The following SUMF1 variants were observed in gnomAD, a reference collection of about 807,000 sequenced individuals.
The protein encoded by SUMF1 is sulfatase modifying factor 1, also known as formylglycine-generating enzyme.
A neutral mutation model predicts 47.6 loss-of-function variants in SUMF1; 48 were observed. The ratio of observed to expected loss-of-function variants is 1.01; its 90% CI spans 0.80 to 1.28. SUMF1 has a LOEUF of 1.28. Among genes scored for constraint, SUMF1 ranks in the 50% most tolerant of loss-of-function variants. SUMF1 has a pLI of 0.00. For missense variants in SUMF1, 571 were observed against 485.4 expected, an observed-to-expected ratio of 1.18 and a Z score of -1.66; for synonymous variants, 230 against 192.1, an observed-to-expected ratio of 1.20 and a Z score of -1.63.
chr3:4,037,784 T>A (rs1428788457), intron 9 of SUMF1, among the ~76,000 whole-genome samples: 1 of 152,172 alleles, frequency 6.6e-6, no homozygotes, highest in African/African-American at 2.4e-5. Flanking sequence ...TCTACATGTG[T>A]GTGTTCCTTT....
intron 8 of SUMF1, among the ~76,000 whole-genome samples, chr3:4,115,823 T>TA (rs1009026525): frequency 6.6e-6 from 1 of 152,100 alleles, no homozygotes; most frequent in Non-Finnish European, 1.5e-5. Context: ...AAACGATATT[T>TA]AAAAAAACAT....
intron 1 of SUMF1, among the ~76,000 whole-genome samples, chr3:4,462,434 T>G (rs2079837769): frequency 6.6e-6 from 1 of 152,204 alleles, no homozygotes; most frequent in African/African-American, 2.4e-5. Context: ...AGATGCTGCC[T>G]GAGGCCCTGT....
At chr3:4,355,717 C>A (rs1470194909) in intron 8 of SUMF1, among the ~76,000 whole-genome samples, 1 of 152,148 alleles carries the variant, frequency 6.6e-6, no homozygotes, top group African/African-American at 2.4e-5. Context: ...GCAAAGAAAA[C>A]AAGGGGTTTG....
intron 1 of SUMF1, among the ~76,000 whole-genome samples, chr3:4,458,668 A>C (rs2079729907): frequency 6.6e-6 from 1 of 152,212 alleles, no homozygotes; most frequent in Non-Finnish European, 1.5e-5. Flanking sequence ...ATCCTGGCTA[A>C]CACGGTGAAA....
At chr3:4,056,802 T>A (rs1695199733) in intron 9 of SUMF1, among the ~76,000 whole-genome samples, 3 of 152,040 alleles carry the variant, frequency 2.0e-5, no homozygotes, top group African/African-American at 4.8e-5. Context: ...AGTGCAGTGG[T>A]GCAATCTCGG....
Position 4,467,104 on chromosome 3 carries a change from C to T in SUMF1, c.142G>A (p.Gly48Ser), listed in dbSNP as rs758168390. The T allele has an allele frequency of 6.4e-7, 1 of 1,562,276 alleles. No homozygotes were observed. Among genetic ancestry groups the T allele is most frequent in the Non-Finnish European group, 8.7e-7 (1 of 1,154,628 alleles). ...TGGGGCGTGCCGCAGCCGCAAGAAC[C>T]CGCAAGGGACCCCGCGCCCGCACCG... ...GTGAGAGSLA[G>S]SCGCGTPQRP... The change falls in exon 1 of 9, where the codon GGT (glycine) becomes AGT (serine). Residue 48 changes from glycine to serine, a missense_variant. Physicochemically the swap from Gly to Ser is moderately conservative, Grantham distance 56. Transcript: ENST00000272902.
chr3:4,131,347 C>G (rs1330209720), intron 8 of SUMF1, among the ~76,000 whole-genome samples: 1 of 152,116 alleles, frequency 6.6e-6, no homozygotes, highest in African/African-American at 2.4e-5. Context: ...CAGCCTGCAC[C>G]AATGGCCTCA....
At chr3:4,104,483 C>A (rs1443007097) in intron 8 of SUMF1, among the ~76,000 whole-genome samples, 1 of 152,060 alleles carries the variant, frequency 6.6e-6, no homozygotes, top group African/African-American at 2.4e-5. Context: ...GTGGAGCCTG[C>A]AGCAGTGCAT....
At chr3:4,293,405 A>G (rs1183235512) in intron 8 of SUMF1, among the ~76,000 whole-genome samples, 1 of 152,016 alleles carries the variant, frequency 6.6e-6, no homozygotes, top group Non-Finnish European at 1.5e-5. Flanking sequence ...CCTGAGTGGC[A>G]CAGGCATAGA....
At chr3:4,181,816 A>G (rs948585551) in intron 8 of SUMF1, among the ~76,000 whole-genome samples, 25 of 152,076 alleles carry the variant, frequency 1.6e-4, no homozygotes, top group African/African-American at 6.0e-4. Flanking sequence ...TGACGTATGT[A>G]TCACATGCAT....
intron 8 of SUMF1, among the ~76,000 whole-genome samples, chr3:4,247,978 G>T (rs893543474): frequency 1.2e-4 from 19 of 152,132 alleles, no homozygotes; most frequent in Admixed American, 1.1e-3. Flanking sequence ...CTTTGCAAAG[G>T]CATGGGGAAA....
chr3:4,289,664 G>A (rs894572807), intron 8 of SUMF1, among the ~76,000 whole-genome samples: 1 of 151,992 alleles, frequency 6.6e-6, no homozygotes, highest in Admixed American at 6.6e-5. Flanking sequence ...TTGTCAACTG[G>A]ATCTACCTTC....
At chr3:4,303,270 T>C in intron 8 of SUMF1, 1 of 1,311,932 alleles carries the variant, frequency 7.6e-7, no homozygotes, top group Non-Finnish European at 1.0e-6. Flanking sequence ...AGAAACGAAC[T>C]ACAATTCCCA....
intron 8 of SUMF1, among the ~76,000 whole-genome samples, chr3:4,208,955 A>G (rs922402745): frequency 2.0e-5 from 3 of 151,854 alleles, no homozygotes; most frequent in Non-Finnish European, 2.9e-5. Flanking sequence ...ATATTGGTCT[A>G]TAGTTTTCTT....
rs547483541 is a variant in SUMF1 at position 4,113,781 on chromosome 3, A to G, written c.1015-45036T>C. Among the ~76,000 whole-genome samples the G allele has an allele frequency of 6.6e-5, 10 of 152,224 alleles. No individual in the cohort carries two copies. In the South Asian group the frequency reaches 1.9e-3, roughly 28 times the overall value. Reference sequence around the variant, plus strand: ...ACCACTCCCAGATCAGGATCAGGAAAAAAGGTCATCATGACCTTAATGTGG... The same window carrying G: ...ACCACTCCCAGATCAGGATCAGGAAGAAAGGTCATCATGACCTTAATGTGG... On this transcript the variant is annotated intron_variant and NMD_transcript_variant, in intron 8 of 12. Coordinates refer to the SUMF1 transcript ENST00000448413.
At chr3:4,078,158 C>G (rs890359626) in intron 8 of SUMF1, among the ~76,000 whole-genome samples, 1 of 152,060 alleles carries the variant, frequency 6.6e-6, no homozygotes, top group Non-Finnish European at 1.5e-5. Context: ...ACCTCAAAAT[C>G]TTTTTGAAAG....
At chr3:4,125,158 G>A (rs891953464) in intron 8 of SUMF1, among the ~76,000 whole-genome samples, 9 of 152,034 alleles carry the variant, frequency 5.9e-5, no homozygotes, top group Admixed American at 5.2e-4. Flanking sequence ...ATAAAGCTGT[G>A]CTGTACAATA....
At chr3:4,084,286 C>A (rs1380628284) in intron 8 of SUMF1, among the ~76,000 whole-genome samples, 1 of 152,014 alleles carries the variant, frequency 6.6e-6, no homozygotes, top group African/African-American at 2.4e-5. Flanking sequence ...CCACTGGACC[C>A]AATAGATTGA....
chr3:4,177,665 C>A (rs1160314939), intron 8 of SUMF1, among the ~76,000 whole-genome samples: 2 of 151,916 alleles, frequency 1.3e-5, no homozygotes, highest in Non-Finnish European at 2.9e-5. Context: ...CAAAAGCTAG[C>A]AGAAGACAAG....
Sources: allele counts gnomAD v4.1 joint callset (sites outside exome capture counted in the v4.1 genomes callset), GRCh38; gene constraint gnomAD v4.1.1; transcripts MANE v1.5; gene names NCBI Gene and HGNC (gene_info 2026-07-23, HGNC 2026-07-21).